MAGI1: variants seen among roughly 807,000 people sequenced by gnomAD.
The protein encoded by MAGI1 is membrane-associated guanylate kinase, WW and PDZ domain-containing protein 1.
MAGI1 carries 58 observed loss-of-function variants against 139.9 expected under a neutral mutation model. The observed-to-expected ratio is 0.41, with a 90% CI of 0.34 to 0.52. The LOEUF (loss-of-function observed/expected upper bound fraction) is 0.52. Ranked by LOEUF, MAGI1 falls within the 20% of genes least tolerant of loss-of-function variation. The probability of loss-of-function intolerance (pLI) is 0.12; values close to 1 mark genes in which losing one functional copy is unlikely to be tolerated. For missense variants in MAGI1, 1,874 were observed against 1,901.6 expected, an observed-to-expected ratio of 0.99 and a Z score of 0.27; for synonymous variants, 812 against 737.9, an observed-to-expected ratio of 1.10 and a Z score of -1.63.
Position 65,750,498 on chromosome 3 carries a change from G to GTTT in MAGI1, c.314-128411_314-128410insAAA, listed in dbSNP as rs202013386. Among the ~76,000 whole-genome samples, 618 of 152,296 alleles carry GTTT rather than the reference G, an allele frequency of 4.1e-3. 5 individuals carry two copies. The highest frequency in any genetic ancestry group is 0.026 in the East Asian group (134 of 5,188). On this transcript the variant is annotated intron_variant, in intron 1 of 22. Transcript: ENST00000402939. ...CCTAACAATATAGTTACTCTAAATA[G>GTTT]TGATTTGATTTGTTTAACAAATACT...
intron 1 of MAGI1, among the ~76,000 whole-genome samples, chr3:65,848,635 C>A (rs2059091196): frequency 6.6e-6 from 1 of 150,572 alleles, no homozygotes; most frequent in Non-Finnish European, 1.5e-5. Context: ...AGGGAAGAAA[C>A]TGATTTTACA....
chr3:65,386,963 C>T (rs1259519109), intron 14 of MAGI1, among the ~76,000 whole-genome samples: 2 of 152,212 alleles, frequency 1.3e-5, no homozygotes, highest in African/African-American at 4.8e-5. Context: ...ATGCAAAACC[C>T]TTTTTATTCC....
At chr3:65,485,359 A>G (rs1476045521) in intron 3 of MAGI1, among the ~76,000 whole-genome samples, 2 of 152,194 alleles carry the variant, frequency 1.3e-5, no homozygotes, top group East Asian at 3.9e-4. Context: ...TGCCAGTGCC[A>G]TTTGGTTTCT....
chr3:65,788,883 A>C (rs2039569017), intron 1 of MAGI1, among the ~76,000 whole-genome samples: 1 of 152,186 alleles, frequency 6.6e-6, no homozygotes, highest in African/African-American at 2.4e-5. Flanking sequence ...AAAAAATTAA[A>C]AATAAATAAT....
intron 1 of MAGI1, among the ~76,000 whole-genome samples, chr3:65,914,370 C>T (rs1386986605): frequency 1.3e-5 from 2 of 152,186 alleles, no homozygotes; most frequent in Non-Finnish European, 2.9e-5. Context: ...TGAACACATT[C>T]AAACTGGGGT....
chr3:65,515,271 G>A (rs1476765470), intron 2 of MAGI1, among the ~76,000 whole-genome samples: 2 of 150,268 alleles, frequency 1.3e-5, no homozygotes, highest in African/African-American at 4.9e-5. Context: ...TAACTAACCT[G>A]CACAATGTGC....
chr3:65,650,834 G>A (rs2085534657), intron 1 of MAGI1, among the ~76,000 whole-genome samples: 1 of 152,118 alleles, frequency 6.6e-6, no homozygotes, highest in Non-Finnish European at 1.5e-5. Flanking sequence ...AGTATGAGAG[G>A]CATTGACATA....
intron 4 of MAGI1, among the ~76,000 whole-genome samples, chr3:65,472,082 GAGTT>G (rs1242836879): frequency 6.6e-6 from 1 of 152,128 alleles, no homozygotes; most frequent in Non-Finnish European, 1.5e-5. Context: ...AAACCAATTT[GAGTT>G]AGTTTTGCAA....
Position 65,375,961 on chromosome 3 carries a change from G to A in MAGI1, c.2996-16C>T. ...CATGCATTGCCTGCTTTGATATTGA[G>A]TTTTAATTTTTTTAAAGTTACGTGG... is the stretch of plus-strand genomic sequence containing the variant. On this transcript the variant is annotated splice_polypyrimidine_tract_variant and intron_variant, in intron 17 of 22. Transcript: ENST00000402939. 3 of 1,602,784 alleles carry A rather than the reference G, an allele frequency of 1.9e-6. No individual in the cohort carries two copies. Among genetic ancestry groups the A allele is most frequent in the Non-Finnish European group, 2.6e-6 (3 of 1,171,776 alleles).
In MAGI1 at chr3:65,843,085, A is replaced by G. The variant is rs78084462; in HGVS notation, c.313+194911T>C. Among the ~76,000 whole-genome samples, 636 of 152,268 alleles carry G rather than the reference A, an allele frequency of 4.2e-3. 7 individuals carry two copies. The highest frequency in any genetic ancestry group is 0.032 in the Admixed American group (486 of 15,292). ...AACCCTGAATACTTTTCTCTCCATA[A>G]ATGTAGTACTGGCTTATTGACTCAA... On this transcript the variant is annotated intron_variant, in intron 1 of 22. Transcript: ENST00000402939.
At chr3:65,448,203 T>G in intron 6 of MAGI1, 146 bp from the exon 7 acceptor site, 1 of 748,626 alleles carries the variant, frequency 1.3e-6, no homozygotes, top group Non-Finnish European at 2.3e-6. Flanking sequence ...CTTATTTCAT[T>G]GGCTTGGATA....
chr3:65,871,196 C>G (rs1157660443), intron 1 of MAGI1, among the ~76,000 whole-genome samples: 2 of 152,050 alleles, frequency 1.3e-5, no homozygotes, highest in South Asian at 2.1e-4. Flanking sequence ...CTCCACCTCC[C>G]AAAGTGCTGG....
chr3:65,471,907 A>G (rs1201911563), intron 4 of MAGI1, among the ~76,000 whole-genome samples: 2 of 152,156 alleles, frequency 1.3e-5, no homozygotes, highest in East Asian at 3.9e-4. Flanking sequence ...ACAAAGCTTG[A>G]CATGACCTGC....
intron 1 of MAGI1, among the ~76,000 whole-genome samples, chr3:65,957,181 A>G (rs896223020): frequency 1.3e-5 from 2 of 152,048 alleles, no homozygotes; most frequent in African/African-American, 4.8e-5. Flanking sequence ...AGTAGGACAC[A>G]TGAGTAAATG....
intron 1 of MAGI1, among the ~76,000 whole-genome samples, chr3:65,666,940 A>G (rs983431540): frequency 1.3e-5 from 2 of 152,152 alleles, no homozygotes; most frequent in African/African-American, 4.8e-5. Context: ...CCATGAAAAC[A>G]TCCATCCCAA....
intron 5 of MAGI1, among the ~76,000 whole-genome samples, chr3:65,461,294 C>T (rs1388911271): frequency 6.6e-6 from 1 of 151,994 alleles, no homozygotes; most frequent in Non-Finnish European, 1.5e-5. Context: ...CGGCTCACTG[C>T]AACCTCCACC....
At chr3:65,855,472 T>C (rs962033900) in intron 1 of MAGI1, among the ~76,000 whole-genome samples, 2 of 146,528 alleles carry the variant, frequency 1.4e-5, no homozygotes, top group African/African-American at 5.1e-5. Flanking sequence ...CATAGTGGCT[T>C]GCACCAGTAA....
At chr3:65,857,401 T>C (rs1334739871) in intron 1 of MAGI1, among the ~76,000 whole-genome samples, 1 of 152,190 alleles carries the variant, frequency 6.6e-6, no homozygotes, top group East Asian at 1.9e-4. Context: ...CCTATGATTG[T>C]TTGCAAATCA....
chr3:65,401,372 T>TTCC, intron 13 of MAGI1, 67 bp downstream of exon 13: 9 of 778,290 alleles, frequency 1.2e-5, no homozygotes, highest in Middle Eastern at 3.9e-4. Context: ...CAGAGTACCC[T>TTCC]CCCACCTCCA....
Sources: gnomAD v4.1 joint callset for allele counts (sites outside exome capture counted in the v4.1 genomes callset) on GRCh38, gnomAD v4.1.1 for gene constraint, MANE v1.5 for transcripts, NCBI Gene and HGNC (gene_info 2026-07-23, HGNC 2026-07-21) for gene names.